MACROD2: variants seen among roughly 807,000 people sequenced by gnomAD.
MACROD2 encodes the protein ADP-ribose glycohydrolase MACROD2.
Under a neutral mutation model 70.4 loss-of-function variants are expected in MACROD2, and 36 were observed. That is an observed-to-expected ratio of 0.51 (90% CI 0.39 to 0.68). MACROD2 has a LOEUF of 0.68. Ranked by LOEUF, MACROD2 falls within the 30% of genes least tolerant of loss-of-function variation. MACROD2 has a pLI of 0.00. For synonymous variants in MACROD2, 172 were observed against 178.8 expected (o/e 0.96, Z 0.30); for missense variants, 496 against 538.4 (o/e 0.92, Z 0.78).
intron 5 of MACROD2, among the ~76,000 whole-genome samples, chr20:14,736,826 T>A (rs1385449683): frequency 6.6e-6 from 1 of 152,182 alleles, no homozygotes; most frequent in Non-Finnish European, 1.5e-5. Flanking sequence ...CCAAAGCTCT[T>A]ACCCAGTACA....
At chr20:14,300,637 C>T (rs1027449361) in intron 3 of MACROD2, among the ~76,000 whole-genome samples, 2 of 152,186 alleles carry the variant, frequency 1.3e-5, no homozygotes, top group African/African-American at 4.8e-5. Context: ...ACACCACCTA[C>T]CTCAAAGGCT....
intron 8 of MACROD2, among the ~76,000 whole-genome samples, chr20:15,783,158 A>G (rs1254850037): frequency 6.6e-6 from 1 of 152,036 alleles, no homozygotes; most frequent in African/African-American, 2.4e-5. Flanking sequence ...TGACAAGTCT[A>G]TACAGTCTAT....
intron 6 of MACROD2, among the ~76,000 whole-genome samples, chr20:15,280,533 T>C (rs1361803084): frequency 6.6e-6 from 1 of 152,174 alleles, no homozygotes; most frequent in Non-Finnish European, 1.5e-5. Flanking sequence ...GAGTTGCCAA[T>C]GTGGAATTAT....
chr20:14,402,274 AT>A (rs2083645835), intron 3 of MACROD2, among the ~76,000 whole-genome samples: 1 of 152,134 alleles, frequency 6.6e-6, no homozygotes, highest in South Asian at 2.1e-4. Flanking sequence ...AGTTTATGCA[AT>A]TTTTAGTTGC....
At chr20:14,987,811 C>T (rs1055054910) in intron 5 of MACROD2, among the ~76,000 whole-genome samples, 1 of 152,022 alleles carries the variant, frequency 6.6e-6, no homozygotes, top group South Asian at 2.1e-4. Context: ...GTCTTCAGAA[C>T]GCTTTCATTA....
chr20:14,362,302 G>A (rs1433603294), intron 3 of MACROD2, among the ~76,000 whole-genome samples: 4 of 152,154 alleles, frequency 2.6e-5, no homozygotes, highest in Non-Finnish European at 5.9e-5. Flanking sequence ...GAAAACAGAG[G>A]CACAGAAGTC....
intron 10 of MACROD2, among the ~76,000 whole-genome samples, chr20:15,894,925 C>T (rs140877896): frequency 1.5e-3 from 221 of 152,216 alleles, no homozygotes; most frequent in African/African-American, 5.0e-3. Context: ...TGTTGTAGTT[C>T]GGTCATTTTC....
chr20:15,025,067 G>GT (rs900991982), intron 5 of MACROD2, among the ~76,000 whole-genome samples: 14 of 151,606 alleles, frequency 9.2e-5, no homozygotes, highest in East Asian at 5.8e-4. Flanking sequence ...TTCCAATGTT[G>GT]TTTTTTTTGT....
intron 8 of MACROD2, among the ~76,000 whole-genome samples, chr20:15,748,351 C>T (rs1453724687): frequency 6.8e-6 from 1 of 147,996 alleles, no homozygotes; most frequent in East Asian, 2.0e-4. Flanking sequence ...TTTCCTCTTT[C>T]CTTCCTTCCT....
chr20:14,532,484 A>G (rs1046724084), intron 4 of MACROD2, among the ~76,000 whole-genome samples: 2 of 151,788 alleles, frequency 1.3e-5, no homozygotes, highest in African/African-American at 2.4e-5. Context: ...CAGCCTCCCA[A>G]AGTGCTGGGA....
At chr20:14,127,919 C>A in intron 3 of MACROD2, 1 of 507,800 alleles carries the variant, frequency 2.0e-6, no homozygotes, top group South Asian at 1.5e-5. Flanking sequence ...TCAGAAAACA[C>A]CCTGATGCAG....
chr20:14,295,403 C>T (rs1338717704), intron 3 of MACROD2, among the ~76,000 whole-genome samples: 1 of 151,876 alleles, frequency 6.6e-6, no homozygotes, highest in African/African-American at 2.4e-5. Context: ...GCCGGCCCAA[C>T]AATTGTCCCA....
In MACROD2 at chr20:15,404,484, C is replaced by T. The variant is rs141600167; in HGVS notation, c.541-26921C>T. On this transcript the variant is annotated intron_variant, in intron 6 of 17. Transcript: ENST00000684519. ...ACAATTACAGTAGTACTGACAATTA[C>T]GGTAGGACCACACATGTGGATGCCA... is the stretch of plus-strand genomic sequence containing the variant. Among the ~76,000 whole-genome samples, 959 of 152,308 alleles carry T rather than the reference C, an allele frequency of 6.3e-3. 7 individuals are homozygous for T. The highest frequency in any genetic ancestry group is 0.022 in the African/African-American group (912 of 41,566).
chr20:14,430,199 C>A (rs1014615308), intron 3 of MACROD2, among the ~76,000 whole-genome samples: 1 of 152,162 alleles, frequency 6.6e-6, no homozygotes, highest in Admixed American at 6.6e-5. Context: ...TCACAAGGAA[C>A]TTAAAAGTCA....
chr20:14,560,684 T>G (rs1268334303), intron 4 of MACROD2, among the ~76,000 whole-genome samples: 1 of 151,876 alleles, frequency 6.6e-6, no homozygotes, highest in Non-Finnish European at 1.5e-5. Flanking sequence ...CTCCCATAGG[T>G]CTATGAACAT....
intron 5 of MACROD2, among the ~76,000 whole-genome samples, chr20:14,787,829 G>A (rs1168804382): frequency 5.3e-5 from 8 of 152,044 alleles, no homozygotes; most frequent in Non-Finnish European, 4.4e-5. Context: ...CCTTCCTTAA[G>A]TATTATTTCC....
intron 8 of MACROD2, among the ~76,000 whole-genome samples, chr20:15,522,671 G>C (rs1019192571): frequency 6.6e-6 from 1 of 152,124 alleles, no homozygotes; most frequent in Non-Finnish European, 1.5e-5. Flanking sequence ...GCCCAGCACC[G>C]TAAGTATATA....
At chr20:15,142,815 T>C (rs2076202303) in intron 5 of MACROD2, among the ~76,000 whole-genome samples, 1 of 152,152 alleles carries the variant, frequency 6.6e-6, no homozygotes, top group Non-Finnish European at 1.5e-5. Flanking sequence ...TCCAGCTTCA[T>C]CCATGTCCCT....
chr20:15,530,497 C>A (rs1227566014), intron 8 of MACROD2, among the ~76,000 whole-genome samples: 1 of 151,980 alleles, frequency 6.6e-6, no homozygotes, highest in Non-Finnish European at 1.5e-5. Flanking sequence ...CTTTGGTAGG[C>A]TGAGGCGGGC....
Sources: gnomAD v4.1 joint callset for allele counts (sites outside exome capture counted in the v4.1 genomes callset) on GRCh38, gnomAD v4.1.1 for gene constraint, MANE v1.5 for transcripts, NCBI Gene and HGNC (gene_info 2026-07-23, HGNC 2026-07-21) for gene names.